The following PI16 variants were observed in gnomAD, a reference collection of about 807,000 sequenced individuals.
PI16 encodes peptidase inhibitor 16, also known as PSP94-binding protein.
In PI16, 35 loss-of-function variants were observed where a neutral mutation model predicts 38.0. The observed-to-expected ratio is 0.92, with a 90% CI of 0.70 to 1.22. The LOEUF is 1.22. Among genes scored for constraint, PI16 ranks in the 50% most tolerant of loss-of-function variants. The pLI, the probability that PI16 is intolerant of heterozygous loss-of-function variation, is 0.00. For missense variants in PI16, 572 were observed against 593.8 expected, an observed-to-expected ratio of 0.96 and a Z score of 0.38; for synonymous variants, 275 against 252.9, an observed-to-expected ratio of 1.09 and a Z score of -0.83.
At position 36,963,500 on chromosome 6, in the gene PI16, A is replaced by T. The variant is rs150690627; in HGVS notation, c.1158A>T (p.Thr386=). ...ACAAGCCAGGTGAGCTGCAGGCCAC[A>T]CTGGACCACACGGGGCACACCTCCT... ...AQDKPGELQA[T]LDHTGHTSSK... is the part of the protein sequence containing the mutation. The change falls in exon 5 of 7, where the codon ACA becomes ACT. Residue 386 remains threonine, a synonymous_variant. Transcript: ENST00000373674. The T allele has an allele frequency of 1.2e-6, 2 of 1,614,164 alleles. No homozygotes were observed. Among genetic ancestry groups the T allele is most frequent in the Non-Finnish European group, 8.5e-7 (1 of 1,180,034 alleles).
chr6:36,951,886 G>A (rs929190967), upstream of PI16, among the ~76,000 whole-genome samples: 43 of 151,908 alleles, frequency 2.8e-4, no homozygotes, highest in African/African-American at 8.2e-4. Flanking sequence ...GTGACAGAGC[G>A]AGACCCTGTC....
rs374000726 is a variant in PI16, at chr6:36,961,962, A to G, written c.580A>G (p.Asn194Asp). ...SQCPSGYHCK[N>D]SLCEPIGSPE... ...ATGTCCCTCTGGCTACCACTGCAAGAACTCCCTCTGTGGTGAGTCCACGGG... is the reference window on the plus strand; with the variant it reads ...ATGTCCCTCTGGCTACCACTGCAAGGACTCCCTCTGTGGTGAGTCCACGGG... Residue 194 changes from asparagine (N) to aspartate (D), a missense_variant, in exon 4 of 7, where the codon AAC (asparagine) becomes GAC (aspartate). Coordinates refer to ENST00000373674, the MANE Select transcript of PI16 (RefSeq NM_153370.3). The G allele has an allele frequency of 1.5e-5, 25 of 1,613,850 alleles. No individual in the cohort carries two copies. The African/African-American group carries it at 3.2e-4, about 21-fold the overall frequency.
At chr6:36,953,188 C>G (rs907634169), upstream of PI16, among the ~76,000 whole-genome samples, 2 of 151,884 alleles carry the variant, frequency 1.3e-5, no homozygotes, top group African/African-American at 4.8e-5. Flanking sequence ...ATGGTAGCAG[C>G]TATGGTGGGC....
Position 36,962,203 on chromosome 6 carries a change from G to C in PI16, c.592+229G>C, listed in dbSNP as rs1455398308. On this transcript the variant is annotated intron_variant, in intron 4 of 6. Transcript: ENST00000373674. This position sits in a 1 kb window ranked among gnomAD's most constrained non-coding sequence, Gnocchi z 4.1. ...TCAACCCTTCAAAGGGAGGATGTTA[G>C]AAAGTCTGGCGGCTTCGGGGGGGCC... 6.6e-6 allele frequency among the ~76,000 whole-genome samples: 1 copy of C among 152,204 alleles called. No homozygotes were observed. Among genetic ancestry groups the C allele is most frequent in the Non-Finnish European group, 1.5e-5 (1 of 68,028 alleles).
Position 36,963,312 on chromosome 6 carries a change from GACAAA to G in PI16, c.977_981del (p.Thr326SerfsTer4). 2.5e-6 allele frequency: 4 copies of G among 1,614,188 alleles called. No homozygotes were observed. The highest frequency in any genetic ancestry group is 3.4e-6 in the Non-Finnish European group (4 of 1,180,032). The stretch of plus-strand genomic sequence containing the variant: ...CCCAAAATCAGCAGACAAAGTGACA[GACAAA>G]ACAAAAGTGCCCTCTAGGAGCCCAG... On this transcript the variant is annotated frameshift_variant, in exon 5 of 7. Coordinates refer to ENST00000373674, the MANE Select transcript of PI16 (RefSeq NM_153370.3). LOFTEE classifies it high-confidence loss of function.
chr6:36,964,050 T>C, intron 6 of PI16, 88 bp downstream of exon 6: 1 of 1,446,360 alleles, frequency 6.9e-7, no homozygotes. Context: ...GGGCAGGTCC[T>C]GCTCTGTGGC....
intron 1 of PI16, among the ~76,000 whole-genome samples, chr6:36,949,310 T>C (rs1236901475): frequency 6.6e-6 from 1 of 152,078 alleles, no homozygotes; most frequent in Non-Finnish European, 1.5e-5. Context: ...TTTGTGAAGA[T>C]GGGGTTTCGT....
upstream of PI16, among the ~76,000 whole-genome samples, chr6:36,952,886 G>A (rs1165181649): frequency 6.6e-6 from 1 of 152,120 alleles, no homozygotes; most frequent in Non-Finnish European, 1.5e-5. Context: ...GATTGCTTCA[G>A]GCAACATTGA....
At chr6:36,952,002 CT>C (rs796271084), upstream of PI16, among the ~76,000 whole-genome samples, 2,270 of 137,512 alleles carry the variant, frequency 0.017, 52 homozygotes, top group African/African-American at 0.055. Flanking sequence ...GAAATTGTGT[CT>C]TTTTTTTTTT....
At position 36,963,058 on chromosome 6, in the gene PI16, G is replaced by T; in HGVS notation, c.716G>T (p.Gly239Val). 1 of 1,614,178 alleles carries T rather than the reference G, an allele frequency of 6.2e-7. No individual in the cohort carries two copies. Among genetic ancestry groups the T allele is most frequent in the Non-Finnish European group, 8.5e-7 (1 of 1,180,028 alleles). ...GGTACTCCTTCTTCCCTAGCAACGG[G>T]GATTCCGGCTTTCTTGGTAACAGAG... ...KMGTPSSLATGIPAFLVTEVS... is the reference protein window; with the variant it reads ...KMGTPSSLATVIPAFLVTEVS... Residue 239 changes from glycine (G) to valine (V), a missense_variant, in exon 5 of 7, where the codon GGG (glycine) becomes GTG (valine). By Grantham distance (109) the Gly-to-Val change is moderately radical. Coordinates refer to ENST00000373674, the MANE Select transcript of PI16 (RefSeq NM_153370.3).
At position 36,963,363 on chromosome 6, in the gene PI16, ATG is replaced by A. The variant is rs746372682; in HGVS notation, c.1023_1024del (p.Met341IlefsTer17). ...CCCAGAGAACTCTCTGGACCCCAAG[ATG>A]TCCCTGACAGGGGCAAGGGAACTCC... ...RSPENSLDPK[M>X]SLTGARELLP... On this transcript the variant is annotated frameshift_variant, in exon 5 of 7. Coordinates refer to ENST00000373674, the MANE Select transcript of PI16 (RefSeq NM_153370.3). LOFTEE classifies it high-confidence loss of function. 1 of 1,614,204 alleles carries A rather than the reference ATG, an allele frequency of 6.2e-7. No individual in the cohort carries two copies. Among genetic ancestry groups the A allele is most frequent in the South Asian group, 1.1e-5 (1 of 91,088 alleles).
In PI16 at chr6:36,962,077, G is replaced by A. The variant is rs2150739237; in HGVS notation, c.592+103G>A. ...CTGGACTGAGCGGGACGTGGGCAGGGAAGGAGCCTGGTGGGATGCGACCAC... is the reference window on the plus strand; with the variant it reads ...CTGGACTGAGCGGGACGTGGGCAGGAAAGGAGCCTGGTGGGATGCGACCAC... On this transcript the variant is annotated intron_variant, in intron 4 of 6. Transcript: ENST00000373674. This position sits in a 1 kb window ranked among gnomAD's most constrained non-coding sequence, Gnocchi z 4.1. 1 of 998,300 alleles carries A rather than the reference G, an allele frequency of 1.0e-6. No homozygotes were observed. The highest frequency in any genetic ancestry group is 1.4e-5 in the South Asian group (1 of 71,060). The allele number at this position is 998,300 out of a possible 1,614,324, so 61.8% of individuals were successfully genotyped here.
Position 36,963,040 on chromosome 6 carries a change from C to T in PI16, c.698C>T (p.Pro233Leu). 2 of 1,614,226 alleles carry T rather than the reference C, an allele frequency of 1.2e-6. No individual in the cohort carries two copies. Among genetic ancestry groups the T allele is most frequent in the Non-Finnish European group, 1.7e-6 (2 of 1,180,036 alleles). The part of the protein sequence containing the change: ...EASDSRKMGT[P>L]SSLATGIPAF... ...TCAGACTCTAGGAAAATGGGTACTC[C>T]TTCTTCCCTAGCAACGGGGATTCCG... Residue 233 changes from proline (P) to leucine (L), a missense_variant, in exon 5 of 7, where the codon CCT becomes CTT. Transcript: ENST00000373674.
chr6:36,954,501 C>A (rs78302406), upstream of PI16: 82 of 474,996 alleles, frequency 1.7e-4, 1 homozygote, highest in East Asian at 2.9e-3. Context: ...CTGTCCACAA[C>A]TTAGGAACTC....
Position 36,959,187 on chromosome 6 carries a change from C to T in PI16, c.214C>T (p.Arg72Trp). 1.2e-6 allele frequency: 2 copies of T among 1,611,108 alleles called. No homozygotes were observed. Among genetic ancestry groups the T allele is most frequent in the Non-Finnish European group, 1.7e-6 (2 of 1,179,272 alleles). The change falls in exon 2 of 7, where the codon CGG becomes TGG. Residue 72 changes from arginine (R) to tryptophan (W), a missense_variant. Physicochemically the swap from Arg to Trp is moderately radical, Grantham distance 101. Transcript: ENST00000373674. Reference protein sequence around the residue: ...ELAAFAKAYARQCVWGHNKER... With the variant: ...ELAAFAKAYAWQCVWGHNKER... Reference sequence around the variant, plus strand: ...GGCCGCCTTCGCCAAGGCCTACGCACGGCAGTGCGTGTGGGGCCACAACAA... The same window carrying T: ...GGCCGCCTTCGCCAAGGCCTACGCATGGCAGTGCGTGTGGGGCCACAACAA...
chr6:36,963,502 T>C lies in PI16; in HGVS notation c.1160T>C (p.Leu387Pro). Reference sequence around the variant, plus strand: ...AAGCCAGGTGAGCTGCAGGCCACACTGGACCACACGGGGCACACCTCCTCC... The same window carrying C: ...AAGCCAGGTGAGCTGCAGGCCACACCGGACCACACGGGGCACACCTCCTCC... Reference protein sequence around the residue: ...QDKPGELQATLDHTGHTSSKS... With the variant: ...QDKPGELQATPDHTGHTSSKS... The change falls in exon 5 of 7, where the codon CTG becomes CCG. Residue 387 changes from leucine (L) to proline (P), a missense_variant. Coordinates refer to ENST00000373674, the MANE Select transcript of PI16 (RefSeq NM_153370.3). 2 of 1,614,148 alleles carry C rather than the reference T, an allele frequency of 1.2e-6. No homozygotes were observed. Among genetic ancestry groups the C allele is most frequent in the Non-Finnish European group, 1.7e-6 (2 of 1,180,030 alleles).
intron 4 of PI16, 23 bp downstream of exon 4, chr6:36,961,997 A>AG: frequency 1.9e-6 from 3 of 1,585,648 alleles, no homozygotes; most frequent in Non-Finnish European, 2.6e-6. Flanking sequence ...GTGGATGGGT[A>AG]GGGGCAGGGG....
chr6:36,963,692 A>G (rs895055787), intron 5 of PI16, 80 bp downstream of exon 5: 2 of 1,557,600 alleles, frequency 1.3e-6, no homozygotes, highest in Non-Finnish European at 1.7e-6. Flanking sequence ...TGGTATGAGC[A>G]TGGTGGGGCA....
Position 36,963,083 on chromosome 6 carries a change from G to A in PI16, c.741G>A (p.Glu247=). Residue 247 remains glutamate, a synonymous_variant, in exon 5 of 7, where the codon GAG becomes GAA. Transcript: ENST00000373674. ...ATGIPAFLVT[E]VSGSLATKAL... ...GGATTCCGGCTTTCTTGGTAACAGA[G>A]GTCTCAGGCTCCCTGGCAACCAAGG... 6.2e-7 allele frequency: 1 copy of A among 1,614,218 alleles called. No individual in the cohort carries two copies. The highest frequency in any genetic ancestry group is 8.5e-7 in the Non-Finnish European group (1 of 1,180,044).
Sources: allele counts gnomAD v4.1 joint callset (sites outside exome capture counted in the v4.1 genomes callset), GRCh38; gene constraint gnomAD v4.1.1; non-coding constraint Gnocchi (gnomAD v3.1); transcripts MANE v1.5; gene names NCBI Gene and HGNC (gene_info 2026-07-23, HGNC 2026-07-21).